IGSF10: variants seen among roughly 807,000 people sequenced by gnomAD.
IGSF10 encodes immunoglobulin superfamily member 10.
A neutral mutation model predicts 128.2 loss-of-function variants in IGSF10; 126 were observed. The observed-to-expected ratio is 0.98, with a 90% CI of 0.85 to 1.14. The LOEUF (loss-of-function observed/expected upper bound fraction) is 1.14, where lower values mean the gene tolerates loss of function less well. Ranked by LOEUF, IGSF10 falls within the 50% of genes most tolerant of loss-of-function variation. IGSF10 has a pLI of 0.00. For missense variants in IGSF10, 3,295 were observed against 3,149.8 expected (o/e 1.05, Z -1.10); for synonymous variants, 1,185 against 1,146.2 (o/e 1.03, Z -0.68).
At chr3:151,601,184 T>A in the IGSF10 span, among the ~76,000 whole-genome samples, 4 of 152,144 alleles carry the variant, frequency 2.6e-5, no homozygotes, top group African/African-American at 9.7e-5. Flanking sequence ...GTGACACATC[T>A]TCCCTATTGA....
chr3:151,532,003 C>A, the IGSF10 span, among the ~76,000 whole-genome samples: 1 of 152,084 alleles, frequency 6.6e-6, no homozygotes, highest in Non-Finnish European at 1.5e-5. Context: ...GATATCACCA[C>A]TGATCCCACA....
At chr3:151,436,103 A>C (rs1157378445), downstream of IGSF10, 2 of 152,278 alleles carry the variant, frequency 1.3e-5, no homozygotes, top group Admixed American at 6.5e-5. Context: ...GTGAGCCTGC[A>C]TTTATTTTTA....
the IGSF10 span, among the ~76,000 whole-genome samples, chr3:151,551,020 C>T: frequency 6.6e-6 from 1 of 152,138 alleles, no homozygotes. Context: ...AACAACCCAG[C>T]ATGGTTCAGT....
the IGSF10 span, among the ~76,000 whole-genome samples, chr3:151,507,067 G>C: frequency 6.6e-6 from 1 of 152,326 alleles, no homozygotes; most frequent in East Asian, 1.9e-4. Context: ...TCAGGGGTCT[G>C]GATAGGTGGC....
At chr3:151,433,676 A>G (rs1407494812), downstream of IGSF10, 3 of 152,622 alleles carry the variant, frequency 2.0e-5, no homozygotes, top group East Asian at 5.8e-4. Context: ...AGGGGAAAAA[A>G]AAATCCAGTA....
At chr3:151,504,298 T>C in the IGSF10 span, among the ~76,000 whole-genome samples, 1 of 152,214 alleles carries the variant, frequency 6.6e-6, no homozygotes, top group Non-Finnish European at 1.5e-5. Flanking sequence ...TTTTTCTCAC[T>C]GTTATAAATG....
At chr3:151,481,665 G>A in the IGSF10 span, among the ~76,000 whole-genome samples, 9 of 152,074 alleles carry the variant, frequency 5.9e-5, no homozygotes, top group Non-Finnish European at 8.8e-5. Flanking sequence ...CAATAGTTTT[G>A]TAAGACCTTA....
chr3:151,561,840 G>C, the IGSF10 span, among the ~76,000 whole-genome samples: 3 of 152,132 alleles, frequency 2.0e-5, no homozygotes, highest in Non-Finnish European at 2.9e-5. Context: ...ACAATCTTTT[G>C]TGCTGTTTAA....
intron 7 of IGSF10, among the ~76,000 whole-genome samples, chr3:151,441,675 A>G (rs1720852743): frequency 1.3e-5 from 2 of 152,210 alleles, no homozygotes; most frequent in Admixed American, 6.5e-5. Flanking sequence ...ATGGAAAACC[A>G]TTGTGTAAAG....
the IGSF10 span, among the ~76,000 whole-genome samples, chr3:151,614,398 C>A: frequency 6.6e-5 from 10 of 152,138 alleles, no homozygotes; most frequent in Non-Finnish European, 1.0e-4. Flanking sequence ...ACTATTCACA[C>A]TAGCAAAGAC....
chr3:151,496,349 T>TCC, the IGSF10 span, among the ~76,000 whole-genome samples: 5 of 105,288 alleles, frequency 4.7e-5, no homozygotes, highest in Admixed American at 5.4e-4. Flanking sequence ...CCTTCCCCCC[T>TCC]CCCCCCACCC....
Position 151,448,149 on chromosome 3 carries a change from C to T in IGSF10, c.1832G>A (p.Gly611Glu). Residue 611 changes from glycine to glutamate, a missense_variant, in exon 6 of 8, where the codon GGA (glycine) becomes GAA (glutamate). Physicochemically the swap from Gly to Glu is moderately conservative, Grantham distance 98. Transcript: ENST00000282466. ...TGATGACTGATAGAGCACATTGTTTCCTGGAATAACCCAGCTAATAGAGGC... is the reference window on the plus strand; with the variant it reads ...TGATGACTGATAGAGCACATTGTTTTCTGGAATAACCCAGCTAATAGAGGC... The part of the protein sequence containing the change: ...PDASISWVIP[G>E]NNVLYQSSRD... 1 of 1,614,120 alleles carries T rather than the reference C, an allele frequency of 6.2e-7. No homozygotes were observed. The highest frequency in any genetic ancestry group is 1.1e-5 in the South Asian group (1 of 91,064).
At chr3:151,442,650 A>C (rs1055813346) in intron 7 of IGSF10, among the ~76,000 whole-genome samples, 2 of 151,004 alleles carry the variant, frequency 1.3e-5, no homozygotes, top group African/African-American at 4.9e-5. Flanking sequence ...CGGCCTCCCA[A>C]AGTGCTAGGA....
chr3:151,614,382 A>T, the IGSF10 span, among the ~76,000 whole-genome samples: 4 of 152,304 alleles, frequency 2.6e-5, no homozygotes, highest in East Asian at 1.9e-4. Flanking sequence ...GTATGTTTAT[A>T]GCGGCACTAT....
chr3:151,457,800 C>A (rs1031507752), intron 3 of IGSF10, among the ~76,000 whole-genome samples: 1 of 152,190 alleles, frequency 6.6e-6, no homozygotes, highest in African/African-American at 2.4e-5. Flanking sequence ...ATATTAGTGA[C>A]TGTCTCTAAA....
the IGSF10 span, among the ~76,000 whole-genome samples, chr3:151,596,492 G>GTGTAT: frequency 3.9e-5 from 6 of 152,102 alleles, no homozygotes; most frequent in African/African-American, 1.4e-4. Flanking sequence ...GTGTGTGTGT[G>GTGTAT]TGTGTATTGT....
the IGSF10 span, among the ~76,000 whole-genome samples, chr3:151,567,642 A>C: frequency 1.3e-5 from 2 of 151,884 alleles, no homozygotes; most frequent in East Asian, 3.9e-4. Flanking sequence ...CTAGCCCCCT[A>C]CCTCTGTGGG....
chr3:151,604,854 G>T, the IGSF10 span, among the ~76,000 whole-genome samples: 1 of 152,016 alleles, frequency 6.6e-6, no homozygotes. Flanking sequence ...ACAGGATCAG[G>T]TTCCTGCATG....
At chr3:151,485,944 C>T in the IGSF10 span, among the ~76,000 whole-genome samples, 5 of 136,136 alleles carry the variant, frequency 3.7e-5, no homozygotes, top group East Asian at 2.2e-4. Flanking sequence ...CGAATTCACA[C>T]ATAACAATAT....
Sources: allele counts gnomAD v4.1 joint callset (sites outside exome capture counted in the v4.1 genomes callset), GRCh38; gene constraint gnomAD v4.1.1; transcripts MANE v1.5; gene names NCBI Gene and HGNC (gene_info 2026-07-23, HGNC 2026-07-21).